Variants in CACNA1A observed in about 807,000 individuals in gnomAD.
The protein encoded by CACNA1A is calcium voltage-gated channel subunit alpha1 A.
Under a neutral mutation model 262.4 loss-of-function variants are expected in CACNA1A, and 57 were observed. The observed-to-expected ratio is 0.22, with a 90% CI of 0.18 to 0.27. The LOEUF (loss-of-function observed/expected upper bound fraction) is 0.27, where lower values mean the gene tolerates loss of function less well. CACNA1A is among the 10% of genes least tolerant of loss of function. The pLI is 1.00. For missense variants in CACNA1A, 2,526 were observed against 3,562.8 expected (o/e 0.71, Z 7.41); for synonymous variants, 1,431 against 1,419.3 (o/e 1.01, Z -0.18).
chr19:13,369,294 C>T (rs569668713), intron 4 of CACNA1A, among the ~76,000 whole-genome samples: 124 of 152,246 alleles, frequency 8.1e-4, no homozygotes, highest in African/African-American at 2.9e-3. Flanking sequence ...CAGTGACTGA[C>T]TATAGAAGTA....
intron 3 of CACNA1A, among the ~76,000 whole-genome samples, chr19:13,409,567 G>A (rs2060073339): frequency 6.6e-6 from 1 of 152,010 alleles, no homozygotes; most frequent in Non-Finnish European, 1.5e-5. Context: ...TCTTTTTGAG[G>A]CAGGGTCTTA....
Position 13,275,915 on chromosome 19 carries a change from G to A in CACNA1A, c.3924C>T (p.Phe1308=). ...LGLVLHQGAY[F]RDLWNILDFI... ...AGTCGAGAATATTCCAGAGGTCACGGAAGTAGGCACCCTGATGCAGGACGA... is the reference window on the plus strand; with the variant it reads ...AGTCGAGAATATTCCAGAGGTCACGAAAGTAGGCACCCTGATGCAGGACGA... Residue 1308 remains phenylalanine (F), a synonymous_variant, in exon 24 of 47, where the codon TTC becomes TTT. Transcript: ENST00000360228. The A allele has an allele frequency of 6.2e-7, 1 of 1,613,886 alleles. No individual in the cohort carries two copies. Among genetic ancestry groups the A allele is most frequent in the Non-Finnish European group, 8.5e-7 (1 of 1,179,800 alleles).
At chr19:13,226,633 C>G (rs1470140038) in intron 37 of CACNA1A, 1 of 152,292 alleles carries the variant, frequency 6.6e-6, no homozygotes, top group Non-Finnish European at 1.5e-5. Context: ...GAGGGGTGGC[C>G]CGGGCCAGCC....
intron 6 of CACNA1A, among the ~76,000 whole-genome samples, chr19:13,345,780 C>T (rs1475410432): frequency 1.3e-5 from 2 of 151,954 alleles, no homozygotes; most frequent in African/African-American, 2.4e-5. Context: ...ACTTTATACC[C>T]GTTATAGATC....
At chr19:13,499,953 G>T (rs890213184) in intron 1 of CACNA1A, among the ~76,000 whole-genome samples, 1 of 151,964 alleles carries the variant, frequency 6.6e-6, no homozygotes, top group African/African-American at 2.4e-5. Flanking sequence ...CTTGCTACTG[G>T]GGGGGAAACA....
chr19:13,350,139 T>C (rs1034972800), intron 6 of CACNA1A, among the ~76,000 whole-genome samples: 5 of 152,160 alleles, frequency 3.3e-5, no homozygotes, highest in Non-Finnish European at 7.4e-5. Flanking sequence ...CCCAAAGCTC[T>C]TAGGGGGTAG....
At chr19:13,411,869 G>T (rs2060116497) in intron 3 of CACNA1A, among the ~76,000 whole-genome samples, 2 of 152,014 alleles carry the variant, frequency 1.3e-5, no homozygotes, top group South Asian at 4.2e-4. Flanking sequence ...ACATCACCCT[G>T]CCTGGCTAAT....
intron 19 of CACNA1A, among the ~76,000 whole-genome samples, chr19:13,295,519 A>T (rs1600264363): frequency 7.1e-6 from 1 of 140,126 alleles, no homozygotes; most frequent in Non-Finnish European, 1.5e-5. Flanking sequence ...TGAGACAAGG[A>T]CTTGTTCTGT....
intron 6 of CACNA1A, among the ~76,000 whole-genome samples, chr19:13,344,545 C>G (rs781327386): frequency 6.6e-6 from 1 of 152,148 alleles, no homozygotes; most frequent in Admixed American, 6.6e-5. Flanking sequence ...GCACGTTCCA[C>G]TGTCTGAATC....
intron 3 of CACNA1A, among the ~76,000 whole-genome samples, chr19:13,388,880 C>T (rs1454428436): frequency 6.6e-6 from 1 of 152,068 alleles, no homozygotes; most frequent in African/African-American, 2.4e-5. Context: ...CCTGTTTTCA[C>T]CCAGAACCAT....
Position 13,212,050 on chromosome 19 carries a change from T to C in CACNA1A, c.6303+53A>G, listed in dbSNP as rs896181178. ...GGCTGCTTGTGGGGGGGCCTGGCCC[T>C]ACCCAGTGCAGAGTGAGGGGTCCAG... is the stretch of plus-strand genomic sequence containing the variant. On this transcript the variant is annotated intron_variant, in intron 43 of 46. Coordinates refer to ENST00000360228, the MANE Select transcript of CACNA1A (RefSeq NM_001127222.2). The surrounding 1 kb of genome is among the most constrained non-coding windows in gnomAD (Gnocchi z 5.6). 4 of 1,330,358 alleles carry C rather than the reference T, an allele frequency of 3.0e-6. No homozygotes were observed. Among genetic ancestry groups the C allele is most frequent in the Non-Finnish European group, 4.3e-6 (4 of 934,572 alleles). 82.4% of individuals were successfully genotyped at this position (1,330,358 alleles called of 1,614,324 possible). A position where few individuals can be genotyped will look rare whatever the true frequency, so the allele number is the denominator to read the frequency against.
chr19:13,435,715 C>T (rs376238385), intron 3 of CACNA1A, among the ~76,000 whole-genome samples: 3 of 152,286 alleles, frequency 2.0e-5, no homozygotes, highest in African/African-American at 4.8e-5. Flanking sequence ...TCGGGTCACT[C>T]GGCTGGGCAC....
intron 3 of CACNA1A, among the ~76,000 whole-genome samples, chr19:13,440,993 T>C (rs924658346): frequency 7.9e-5 from 12 of 152,140 alleles, no homozygotes; most frequent in Non-Finnish European, 1.3e-4. Flanking sequence ...GTTTTGTTTT[T>C]GTAGAGATGG....
intron 10 of CACNA1A, among the ~76,000 whole-genome samples, chr19:13,329,995 T>C (rs1436776579): frequency 6.6e-6 from 1 of 152,196 alleles, no homozygotes; most frequent in African/African-American, 2.4e-5. Context: ...GCTTCGTCCC[T>C]GCCAGGTGCT....
In CACNA1A at chr19:13,297,819, A is replaced by C. The variant is rs947970411; in HGVS notation, c.3089+725T>G. ...GGCGAGACCCTGTGTCAAAAAAACAAAAACATACAGCATTTTTTTTTTTTT... is the reference window on the plus strand; with the variant it reads ...GGCGAGACCCTGTGTCAAAAAAACACAAACATACAGCATTTTTTTTTTTTT... On this transcript the variant is annotated intron_variant, in intron 19 of 46. Transcript: ENST00000360228. Among the ~76,000 whole-genome samples, 106 of 150,362 alleles carry C rather than the reference A, an allele frequency of 7.0e-4. 1 individual carries two copies. The highest frequency in any genetic ancestry group is 9.9e-4 in the Admixed American group (15 of 15,082).
intron 3 of CACNA1A, among the ~76,000 whole-genome samples, chr19:13,425,041 T>A (rs930385265): frequency 6.6e-6 from 1 of 152,112 alleles, no homozygotes; most frequent in Non-Finnish European, 1.5e-5. Flanking sequence ...CCTGACCTCA[T>A]GATCCGCCCA....
intron 3 of CACNA1A, among the ~76,000 whole-genome samples, chr19:13,425,928 C>T (rs1223653221): frequency 6.6e-6 from 1 of 152,128 alleles, no homozygotes; most frequent in Non-Finnish European, 1.5e-5. Context: ...TGTGGTGGCA[C>T]ACGCCTGTAA....
At chr19:13,321,235 T>C (rs144238622) in intron 10 of CACNA1A, among the ~76,000 whole-genome samples, 56 of 152,126 alleles carry the variant, frequency 3.7e-4, no homozygotes, top group African/African-American at 1.3e-3. Flanking sequence ...TGTTTTGCCA[T>C]GTTGGTCAGG....
intron 3 of CACNA1A, among the ~76,000 whole-genome samples, chr19:13,420,728 A>C (rs563983358): frequency 6.6e-6 from 1 of 152,204 alleles, no homozygotes; most frequent in Non-Finnish European, 1.5e-5. Flanking sequence ...TTACTCTGTT[A>C]TAACAGCCCT....
Sources: gnomAD v4.1 joint callset for allele counts (sites outside exome capture counted in the v4.1 genomes callset) on GRCh38, gnomAD v4.1.1 for gene constraint, Gnocchi (gnomAD v3.1) non-coding constraint, MANE v1.5 for transcripts, NCBI Gene and HGNC (gene_info 2026-07-23, HGNC 2026-07-21) for gene names.